NRXN3: variants seen among roughly 807,000 people sequenced by gnomAD.
NRXN3 encodes the protein neurexin 3, also known as neurexin III.
NRXN3 carries 32 observed loss-of-function variants against 137.6 expected under a neutral mutation model. The ratio of observed to expected loss-of-function variants is 0.23; its 90% CI spans 0.18 to 0.31. The LOEUF (loss-of-function observed/expected upper bound fraction) is 0.31. NRXN3 is among the 10% of genes least tolerant of loss of function. The pLI, the probability that NRXN3 is intolerant of heterozygous loss-of-function variation, is 1.00. For missense variants in NRXN3, 1,574 were observed against 2,062.5 expected (o/e 0.76, Z 4.59); for synonymous variants, 798 against 784.5 (o/e 1.02, Z -0.29).
At chr14:79,102,483 G>A (rs1323445575) in intron 15 of NRXN3, among the ~76,000 whole-genome samples, 1 of 152,118 alleles carries the variant, frequency 6.6e-6, no homozygotes, top group East Asian at 1.9e-4. Flanking sequence ...TTAGAACACA[G>A]GCTTTTCAAT....
At position 79,259,143 on chromosome 14, in the gene NRXN3, T is replaced by C. The variant is rs147906908; in HGVS notation, c.3263-208078T>C. Among the ~76,000 whole-genome samples the C allele has an allele frequency of 5.1e-3, 772 of 152,334 alleles. 3 individuals are homozygous for C. Among genetic ancestry groups the C allele is most frequent in the Non-Finnish European group, 6.7e-3 (455 of 68,026 alleles). ...AGAATCGCAACCTGTGTAGTCACCA[T>C]GTGACCACTTGTAAAACAGTCCCAG... On this transcript the variant is annotated intron_variant, in intron 15 of 20. Coordinates refer to ENST00000335750, the MANE Select transcript of NRXN3 (RefSeq NM_001330195.2).
intron 15 of NRXN3, among the ~76,000 whole-genome samples, chr14:79,145,672 C>T (rs1029999014): frequency 6.6e-6 from 1 of 152,156 alleles, no homozygotes; most frequent in Non-Finnish European, 1.5e-5. Context: ...TCTTTCAATG[C>T]ACAACTCCCA....
In NRXN3 at chr14:78,188,549, C is replaced by T. The variant is rs1462453156; in HGVS notation, c.-704+17875C>T. On this transcript the variant is annotated intron_variant, in intron 1 of 20. Transcript: ENST00000335750. ...GCCATGGAAAATTGGGCAACAAGGA[C>T]AATTGCAGATCTTGTAAGTAGGTGG... is the stretch of plus-strand genomic sequence containing the variant. Among the ~76,000 whole-genome samples the T allele has an allele frequency of 3.9e-5, 6 of 152,306 alleles. 1 individual carries two copies. Among genetic ancestry groups the T allele is most frequent in the African/African-American group, 1.4e-4 (6 of 41,572 alleles).
intron 4 of NRXN3, among the ~76,000 whole-genome samples, chr14:78,412,396 G>C (rs143169406): frequency 6.6e-6 from 1 of 151,980 alleles, no homozygotes; most frequent in Non-Finnish European, 1.5e-5. Context: ...GGTGTACTAA[G>C]GCACTTGAAA....
At chr14:78,550,414 T>C (rs555613367) in intron 4 of NRXN3, among the ~76,000 whole-genome samples, 1 of 152,206 alleles carries the variant, frequency 6.6e-6, no homozygotes, top group South Asian at 2.1e-4. Context: ...CATGGTGCAA[T>C]ATGGGAGTTG....
intron 15 of NRXN3, among the ~76,000 whole-genome samples, chr14:79,256,990 A>C (rs2076667059): frequency 6.6e-6 from 1 of 152,124 alleles, no homozygotes; most frequent in South Asian, 2.1e-4. Context: ...TCATCTCTGA[A>C]AACAAGAGAT....
intron 10 of NRXN3, among the ~76,000 whole-genome samples, chr14:78,951,906 C>T (rs2099387883): frequency 6.6e-6 from 1 of 152,136 alleles, no homozygotes; most frequent in African/African-American, 2.4e-5. Flanking sequence ...GGTGAGTAGT[C>T]CATCGTTGAA....
chr14:78,206,386 C>T (rs2062186654), intron 1 of NRXN3, among the ~76,000 whole-genome samples: 1 of 152,152 alleles, frequency 6.6e-6, no homozygotes, highest in Non-Finnish European at 1.5e-5. Context: ...GGGGTTTCCA[C>T]ACTGTGTTTG....
intron 4 of NRXN3, among the ~76,000 whole-genome samples, chr14:78,314,227 A>G (rs1162311702): frequency 6.6e-6 from 1 of 152,166 alleles, no homozygotes; most frequent in Non-Finnish European, 1.5e-5. Context: ...TGTTTACTTC[A>G]TCCTAAAATC....
chr14:78,697,592 A>G (rs1009103978), intron 6 of NRXN3, among the ~76,000 whole-genome samples: 2 of 152,006 alleles, frequency 1.3e-5, no homozygotes, highest in Non-Finnish European at 2.9e-5. Flanking sequence ...GATTTACTAA[A>G]GGTAATGCAA....
At chr14:78,980,571 G>A (rs1052886194) in intron 14 of NRXN3, among the ~76,000 whole-genome samples, 24 of 152,146 alleles carry the variant, frequency 1.6e-4, no homozygotes, top group African/African-American at 4.6e-4. Context: ...CAGTGTACAC[G>A]TGCTGTAAGG....
chr14:79,806,428 A>T (rs1359541737), intron 20 of NRXN3, among the ~76,000 whole-genome samples: 5 of 152,184 alleles, frequency 3.3e-5, no homozygotes, highest in Non-Finnish European at 1.5e-5. Context: ...ACAGGGACAC[A>T]TCATTAATAT....
chr14:79,413,166 C>G (rs1172469212), intron 15 of NRXN3, among the ~76,000 whole-genome samples: 1 of 152,134 alleles, frequency 6.6e-6, no homozygotes. Context: ...TTACTTCCCA[C>G]TCGTCTTTGT....
intron 16 of NRXN3, among the ~76,000 whole-genome samples, chr14:79,518,116 G>A (rs1490691718): frequency 2.6e-5 from 4 of 151,646 alleles, no homozygotes; most frequent in Non-Finnish European, 5.9e-5. Context: ...TGTTGGTCAG[G>A]CAGGTCTCAA....
At chr14:79,047,945 G>A (rs1246592728) in intron 15 of NRXN3, among the ~76,000 whole-genome samples, 1 of 151,846 alleles carries the variant, frequency 6.6e-6, no homozygotes, top group Non-Finnish European at 1.5e-5. Flanking sequence ...CAAAAGAAAT[G>A]GAAACATATA....
At chr14:79,326,258 A>G (rs1394401069) in intron 15 of NRXN3, among the ~76,000 whole-genome samples, 1 of 152,178 alleles carries the variant, frequency 6.6e-6, no homozygotes, top group Non-Finnish European at 1.5e-5. Context: ...TAGTGCATAA[A>G]TAAGTCCCTA....
In NRXN3 at chr14:79,613,390, A is replaced by C. The variant is rs1279739988; in HGVS notation, c.3445-50388A>C. Reference sequence around the variant, plus strand: ...TCAGATCTCAATCAATGGTTCTAAGAGGAAAAAGCTTAATTCCAAGCTGCC... The same window carrying C: ...TCAGATCTCAATCAATGGTTCTAAGCGGAAAAAGCTTAATTCCAAGCTGCC... On this transcript the variant is annotated intron_variant, in intron 16 of 20. Coordinates refer to ENST00000335750, the MANE Select transcript of NRXN3 (RefSeq NM_001330195.2). 2.6e-5 allele frequency among the ~76,000 whole-genome samples: 4 copies of C among 152,226 alleles called. No homozygotes were observed. In the East Asian group the frequency reaches 7.7e-4, roughly 29 times the overall value.
intron 5 of NRXN3, chr14:78,649,376 C>T: frequency 1.6e-6 from 1 of 614,060 alleles, no homozygotes; most frequent in Non-Finnish European, 2.5e-6. Context: ...TTTTCCTCTC[C>T]AACCCCCCCT....
chr14:79,008,413 A>G (rs905910501), intron 15 of NRXN3, among the ~76,000 whole-genome samples: 1 of 152,196 alleles, frequency 6.6e-6, no homozygotes, highest in African/African-American at 2.4e-5. Flanking sequence ...TTGAACACAG[A>G]CAAGTACTAT....
Sources: allele counts gnomAD v4.1 joint callset (sites outside exome capture counted in the v4.1 genomes callset), GRCh38; gene constraint gnomAD v4.1.1; transcripts MANE v1.5; gene names NCBI Gene and HGNC (gene_info 2026-07-23, HGNC 2026-07-21).